The following ATG5 variants were observed in gnomAD, a reference collection of about 807,000 sequenced individuals.
ATG5 encodes autophagy related 5.
In ATG5, 14 loss-of-function variants were observed where a neutral mutation model predicts 36.5. The observed-to-expected ratio is 0.38, with a 90% CI of 0.25 to 0.60. ATG5 has a LOEUF of 0.60. ATG5 is among the 20% of genes least tolerant of loss of function. The probability of loss-of-function intolerance (pLI) is 0.60; values close to 1 mark genes in which losing one functional copy is unlikely to be tolerated. For missense variants in ATG5, 195 were observed against 326.7 expected (o/e 0.60, Z 3.11); for synonymous variants, 95 against 101.5 (o/e 0.94, Z 0.38).
intron 3 of ATG5, 119 bp from the exon 4 acceptor site, chr6:106,293,225 C>T: frequency 1.3e-6 from 1 of 769,490 alleles, no homozygotes; most frequent in Non-Finnish European, 2.2e-6. Flanking sequence ...TCACAAATCA[C>T]AGGAAGACTA....
At chr6:106,232,590 A>AC (rs1234403418) in intron 6 of ATG5, among the ~76,000 whole-genome samples, 4 of 151,984 alleles carry the variant, frequency 2.6e-5, no homozygotes, top group Non-Finnish European at 5.9e-5. Context: ...CAAAGGCAGT[A>AC]CCCCCTTAGA....
intron 6 of ATG5, among the ~76,000 whole-genome samples, chr6:106,211,269 G>A (rs932257050): frequency 7.2e-5 from 11 of 152,204 alleles, no homozygotes; most frequent in African/African-American, 2.7e-4. Context: ...AAACTTAACA[G>A]ATGCCCAGTA....
intron 6 of ATG5, among the ~76,000 whole-genome samples, chr6:106,224,603 C>T (rs1373560751): frequency 1.3e-5 from 2 of 152,126 alleles, no homozygotes; most frequent in African/African-American, 4.8e-5. Context: ...CGGCCAGGTG[C>T]GGTGGCTCAT....
At chr6:106,238,727 T>C (rs934433628) in intron 6 of ATG5, among the ~76,000 whole-genome samples, 3 of 152,200 alleles carry the variant, frequency 2.0e-5, no homozygotes, top group Non-Finnish European at 2.9e-5. Flanking sequence ...ATACCTTTGA[T>C]ACTGAGAAAA....
intron 4 of ATG5, among the ~76,000 whole-genome samples, chr6:106,289,742 C>CA (rs1370041055): frequency 1.3e-5 from 2 of 151,966 alleles, no homozygotes; most frequent in African/African-American, 4.8e-5. Context: ...TGTATTTCCA[C>CA]AAAAATCAAC....
chr6:106,227,019 G>C (rs1200784804), intron 6 of ATG5, among the ~76,000 whole-genome samples: 1 of 151,954 alleles, frequency 6.6e-6, no homozygotes. Flanking sequence ...AGAAGATGCA[G>C]AAAAAGGGTC....
intron 5 of ATG5, among the ~76,000 whole-genome samples, chr6:106,274,601 T>C (rs1224215784): frequency 6.6e-6 from 1 of 152,144 alleles, no homozygotes; most frequent in African/African-American, 2.4e-5. Context: ...ACTTCACAAA[T>C]TAATAAAAAC....
intron 6 of ATG5, among the ~76,000 whole-genome samples, chr6:106,228,128 G>C (rs1777517592): frequency 6.6e-6 from 1 of 152,158 alleles, no homozygotes; most frequent in East Asian, 1.9e-4. Context: ...TTAGAAAATA[G>C]CTTTATTGGG....
intron 2 of ATG5, among the ~76,000 whole-genome samples, chr6:106,315,247 A>C (rs750074761): frequency 1.3e-5 from 2 of 152,194 alleles, no homozygotes; most frequent in South Asian, 2.1e-4. Context: ...GAAACAGAAG[A>C]AGCATTTCCT....
intron 5 of ATG5, among the ~76,000 whole-genome samples, chr6:106,255,166 TGA>T (rs1201314796): frequency 6.6e-6 from 1 of 152,202 alleles, no homozygotes; most frequent in Non-Finnish European, 1.5e-5. Context: ...GGCCAACATC[TGA>T]GGAGTCCTCC....
chr6:106,323,639 A>C (rs1299875455), intron 1 of ATG5, among the ~76,000 whole-genome samples: 1 of 152,008 alleles, frequency 6.6e-6, no homozygotes, highest in Non-Finnish European at 1.5e-5. Context: ...GTCATTTCGC[A>C]CTACCGCCAC....
intron 5 of ATG5, among the ~76,000 whole-genome samples, chr6:106,251,548 GATATTAACTT>G (rs1241102034): frequency 1.5e-5 from 2 of 137,434 alleles, no homozygotes; most frequent in Admixed American, 7.8e-5. Context: ...TGTATTAATT[GATATTAACTT>G]TAATCTTCTT....
At chr6:106,280,274 C>CAAAAA (rs71793771) in intron 4 of ATG5, among the ~76,000 whole-genome samples, 2 of 87,358 alleles carry the variant, frequency 2.3e-5, no homozygotes, top group African/African-American at 8.1e-5. Flanking sequence ...AGTATTATGT[C>CAAAAA]AAAAAAAAAA....
intron 4 of ATG5, among the ~76,000 whole-genome samples, chr6:106,283,204 T>G (rs1028925460): frequency 4.6e-5 from 7 of 152,152 alleles, no homozygotes; most frequent in African/African-American, 1.7e-4. Flanking sequence ...TTGCTAGTAC[T>G]CTGTTGAAGG....
intron 3 of ATG5, among the ~76,000 whole-genome samples, chr6:106,303,038 C>G (rs1259460564): frequency 6.6e-6 from 1 of 151,608 alleles, no homozygotes; most frequent in Non-Finnish European, 1.5e-5. Context: ...AAAAAATAAC[C>G]TAAGTCCCTT....
chr6:106,309,736 T>C (rs1468291780), intron 2 of ATG5, among the ~76,000 whole-genome samples: 1 of 152,138 alleles, frequency 6.6e-6, no homozygotes, highest in African/African-American at 2.4e-5. Flanking sequence ...CAAATACAGA[T>C]GTGACATTAA....
chr6:106,255,176 T>A (rs1002254918), intron 5 of ATG5, among the ~76,000 whole-genome samples: 1 of 152,210 alleles, frequency 6.6e-6, no homozygotes, highest in African/African-American at 2.4e-5. Context: ...TGAGGAGTCC[T>A]CCAGTCTTGA....
At chr6:106,321,056 C>G (rs992585720) in intron 1 of ATG5, among the ~76,000 whole-genome samples, 5 of 152,162 alleles carry the variant, frequency 3.3e-5, no homozygotes, top group Non-Finnish European at 7.3e-5. Context: ...TAGATGCTGA[C>G]AGCATGCAAA....
chr6:106,316,485 A>T (rs555447306), intron 1 of ATG5, among the ~76,000 whole-genome samples: 2 of 152,302 alleles, frequency 1.3e-5, no homozygotes, highest in African/African-American at 4.8e-5. Context: ...TCAAAATTAC[A>T]TATGCCAGTA....
Sources: allele counts gnomAD v4.1 joint callset (sites outside exome capture counted in the v4.1 genomes callset), GRCh38; gene constraint gnomAD v4.1.1; transcripts MANE v1.5; gene names NCBI Gene and HGNC (gene_info 2026-07-23, HGNC 2026-07-21).